Variants in DDX4 observed in about 807,000 individuals in gnomAD.
The protein encoded by DDX4 is probable ATP-dependent RNA helicase DDX4.
Under a neutral mutation model 100.0 loss-of-function variants are expected in DDX4, and 25 were observed. The ratio of observed to expected loss-of-function variants is 0.25; its 90% CI spans 0.18 to 0.35. The LOEUF is 0.35. Among genes scored for constraint, DDX4 ranks in the 10% least tolerant of loss-of-function variants. The probability of loss-of-function intolerance (pLI) is 1.00; values close to 1 mark genes in which losing one functional copy is unlikely to be tolerated. For synonymous variants in DDX4, 259 were observed against 275.7 expected, an observed-to-expected ratio of 0.94 and a Z score of 0.60; for missense variants, 635 against 882.4, an observed-to-expected ratio of 0.72 and a Z score of 3.55.
rs1251390490 is a variant in DDX4 at position 55,739,092 on chromosome 5, CTG to C, written c.69+63_69+64del. 3.9e-6 allele frequency: 4 copies of C among 1,021,808 alleles called. No homozygotes were observed. The African/African-American group carries it at 6.3e-5, about 16-fold the overall frequency. 63.3% of individuals were successfully genotyped at this position (1,021,808 alleles called of 1,614,324 possible). On this transcript the variant is annotated intron_variant, in intron 2 of 21. Transcript: ENST00000505374. ...CGGATTTTATCAAAGTTGAAAATCA[CTG>C]TGGTGAGAGTTCTAAATTATACAGT...
At chr5:55,746,114 C>G in intron 2 of DDX4, 50 bp from the exon 3 acceptor site, 3 of 1,356,666 alleles carry the variant, frequency 2.2e-6, no homozygotes, top group Non-Finnish European at 3.1e-6. Context: ...ATAAATGACA[C>G]GTTCATATTC....
At chr5:55,743,897 C>G (rs183768849) in intron 2 of DDX4, among the ~76,000 whole-genome samples, 4 of 139,914 alleles carry the variant, frequency 2.9e-5, no homozygotes, top group African/African-American at 1.1e-4. Flanking sequence ...TTTTATAACA[C>G]TTGTAAAACC....
At chr5:55,791,711 T>C (rs574697628) in intron 16 of DDX4, among the ~76,000 whole-genome samples, 1 of 152,306 alleles carries the variant, frequency 6.6e-6, no homozygotes, top group South Asian at 2.1e-4. Flanking sequence ...ACTAGCCACA[T>C]GTAACAATTT....
intron 13 of DDX4, 65 bp downstream of exon 13, chr5:55,785,936 AG>A: frequency 3.4e-6 from 4 of 1,163,982 alleles, no homozygotes; most frequent in Non-Finnish European, 5.1e-6. Flanking sequence ...TACATTATGT[AG>A]TTTGTAAAGC....
intron 18 of DDX4, among the ~76,000 whole-genome samples, chr5:55,810,166 G>A (rs182756944): frequency 3.9e-5 from 6 of 152,048 alleles, no homozygotes; most frequent in South Asian, 2.1e-4. Context: ...GTGTGACTGC[G>A]TGATCTTGGC....
intron 18 of DDX4, among the ~76,000 whole-genome samples, chr5:55,804,804 G>A (rs1028273879): frequency 2.6e-5 from 4 of 151,976 alleles, no homozygotes; most frequent in South Asian, 2.1e-4. Context: ...TTGGCGATGC[G>A]GGCTCTTTTT....
intron 3 of DDX4, among the ~76,000 whole-genome samples, chr5:55,749,098 G>A (rs6861187): frequency 0.069 from 10,455 of 152,118 alleles, 557 homozygotes; most frequent in African/African-American, 0.15. Context: ...AAAATTAAGC[G>A]AAAACAATTT....
intron 1 of DDX4, 102 bp from the exon 2 acceptor site, chr5:55,738,848 G>GAT: frequency 1.3e-6 from 1 of 745,124 alleles, no homozygotes; most frequent in Non-Finnish European, 2.3e-6. Context: ...GCACCTAGTT[G>GAT]GGTAGTTTCA....
chr5:55,781,240 GT>G (rs1464038971), intron 9 of DDX4, 94 bp downstream of exon 9: 1 of 963,400 alleles, frequency 1.0e-6, no homozygotes, highest in Non-Finnish European at 1.5e-6. Context: ...AAGTATACTA[GT>G]TTGGCTTATG....
chr5:55,765,706 A>G (rs1740874832), intron 6 of DDX4, among the ~76,000 whole-genome samples: 1 of 152,122 alleles, frequency 6.6e-6, no homozygotes. Flanking sequence ...TATTTGTATA[A>G]TGATGACTAT....
At chr5:55,786,455 T>C (rs908145136) in intron 13 of DDX4, 63 bp from the exon 14 acceptor site, 2 of 1,312,784 alleles carry the variant, frequency 1.5e-6, no homozygotes, top group South Asian at 1.4e-5. Flanking sequence ...GAATGAAATA[T>C]GCTTATAAAT....
intron 3 of DDX4, 97 bp downstream of exon 3, chr5:55,746,318 T>A (rs1022581373): frequency 9.5e-7 from 1 of 1,052,436 alleles, no homozygotes; most frequent in African/African-American, 1.6e-5. Context: ...GTAGAGGGTG[T>A]TTTAAAAAAT....
chr5:55,760,008 A>G (rs574011732), intron 3 of DDX4, among the ~76,000 whole-genome samples, 192 bp from the exon 4 acceptor site: 1 of 150,526 alleles, frequency 6.6e-6, no homozygotes, highest in South Asian at 2.1e-4. Context: ...AGATTTAGTC[A>G]CAATTTATTT....
intron 18 of DDX4, among the ~76,000 whole-genome samples, chr5:55,809,425 A>T (rs191196697): frequency 1.7e-3 from 264 of 152,302 alleles, no homozygotes; most frequent in Admixed American, 4.0e-3. Flanking sequence ...GGAGCTGTAG[A>T]CTGGAGCTGT....
chr5:55,771,527 C>A (rs1485585286), intron 7 of DDX4, among the ~76,000 whole-genome samples: 1 of 152,022 alleles, frequency 6.6e-6, no homozygotes, highest in African/African-American at 2.4e-5. Flanking sequence ...AGTTTGGGGC[C>A]ATTGTGAAAG....
rs1258683890 is a variant in DDX4 at position 55,816,526 on chromosome 5, G to A, written c.2161G>A (p.Glu721Lys). Reference protein sequence around the residue: ...SSQAPNPVDDESWD With the variant: ...SSQAPNPVDDKSWD ...ACAAGCTCCCAATCCAGTAGATGATGAGTCATGGGATTAAAGCCAAAACAT... is the reference window on the plus strand; with the variant it reads ...ACAAGCTCCCAATCCAGTAGATGATAAGTCATGGGATTAAAGCCAAAACAT... Residue 721 changes from glutamate to lysine, a missense_variant, in exon 22 of 22, where the codon GAG becomes AAG. Physicochemically the swap from Glu to Lys is moderately conservative, Grantham distance 56 (BLOSUM62 1). Transcript: ENST00000505374. 6.2e-7 allele frequency: 1 copy of A among 1,612,716 alleles called. No homozygotes were observed. Among genetic ancestry groups the A allele is most frequent in the Non-Finnish European group, 8.5e-7 (1 of 1,179,588 alleles).
intron 18 of DDX4, among the ~76,000 whole-genome samples, chr5:55,804,911 G>A (rs2112143007): frequency 6.6e-6 from 1 of 151,818 alleles, no homozygotes; most frequent in African/African-American, 2.4e-5. Context: ...AATTACCTTG[G>A]GCAGTATGGC....
At chr5:55,789,060 T>C (rs554741013) in intron 15 of DDX4, among the ~76,000 whole-genome samples, 8 of 152,232 alleles carry the variant, frequency 5.3e-5, no homozygotes, top group East Asian at 1.9e-4. Context: ...CCTTGACTTA[T>C]ATATAAAAAA....
At chr5:55,744,900 G>A (rs965373079) in intron 2 of DDX4, among the ~76,000 whole-genome samples, 4 of 151,742 alleles carry the variant, frequency 2.6e-5, no homozygotes, top group Non-Finnish European at 5.9e-5. Flanking sequence ...GATGGTGTGA[G>A]ACAGTGTTTT....
Sources: gnomAD v4.1 joint callset for allele counts (sites outside exome capture counted in the v4.1 genomes callset) on GRCh38, gnomAD v4.1.1 for gene constraint, MANE v1.5 for transcripts, NCBI Gene and HGNC (gene_info 2026-07-23, HGNC 2026-07-21) for gene names.